CA10: variants seen among roughly 807,000 people sequenced by gnomAD.
CA10 encodes carbonic anhydrase 10 (inactive), also known as carbonic anhydrase-related protein 10.
In CA10, 14 loss-of-function variants were observed where a neutral mutation model predicts 44.2. That is an observed-to-expected ratio of 0.32 (90% CI 0.21 to 0.50). The LOEUF is 0.50. CA10 is among the 20% of genes least tolerant of loss of function. CA10 has a pLI of 0.99. For synonymous variants in CA10, 159 were observed against 141.6 expected, an observed-to-expected ratio of 1.12 and a Z score of -0.87; for missense variants, 350 against 409.7, an observed-to-expected ratio of 0.85 and a Z score of 1.26.
chr17:51,809,092 T>TAA (rs1039757291), intron 3 of CA10, among the ~76,000 whole-genome samples: 11 of 119,972 alleles, frequency 9.2e-5, no homozygotes, highest in African/African-American at 3.3e-4. Flanking sequence ...GAGACCTAAA[T>TAA]AAAAAAAAAA....
intron 3 of CA10, chr17:51,761,384 A>G (rs1041212398): frequency 6.6e-6 from 1 of 152,190 alleles, no homozygotes; most frequent in Admixed American, 6.5e-5. Flanking sequence ...GCTTAGTGCT[A>G]TTTACTAGGA....
At chr17:51,874,399 A>C (rs1331676685) in intron 3 of CA10, among the ~76,000 whole-genome samples, 21 of 151,672 alleles carry the variant, frequency 1.4e-4, no homozygotes, top group Non-Finnish European at 2.4e-4. Context: ...AAAAAAAAAA[A>C]AAAAAAACAA....
In CA10 at chr17:51,709,114, C is replaced by A. The variant is rs1428274743; in HGVS notation, c.465+38519G>T. On this transcript the variant is annotated intron_variant, in intron 4 of 8. Transcript: ENST00000451037. The stretch of plus-strand genomic sequence containing the variant: ...CTAATACAGATTCTGAGGGCAGAAA[C>A]TCATTCATTCATCTATTCATTCATA... 2.0e-5 allele frequency among the ~76,000 whole-genome samples: 3 copies of A among 152,222 alleles called. 1 individual carries two copies. Among genetic ancestry groups the A allele is most frequent in the African/African-American group, 7.2e-5 (3 of 41,452 alleles).
intron 3 of CA10, among the ~76,000 whole-genome samples, chr17:51,893,825 G>A (rs1428335531): frequency 3.9e-5 from 6 of 152,162 alleles, no homozygotes; most frequent in African/African-American, 1.4e-4. Context: ...GTATTTGTGA[G>A]GTCAATAGAT....
At position 51,799,882 on chromosome 17, in the gene CA10, G is replaced by A. The variant is rs147401180; in HGVS notation, c.280-52064C>T. Among the ~76,000 whole-genome samples the A allele has an allele frequency of 4.1e-3, 630 of 152,272 alleles. 4 individuals are homozygous for A. Among genetic ancestry groups the A allele is most frequent in the African/African-American group, 0.014 (591 of 41,562 alleles). On this transcript the variant is annotated intron_variant, in intron 3 of 8. Transcript: ENST00000451037. ...TGATGACAAGTGTTGATGAGGATGCGGAGAAACTGGAAGCCTCATAGACTG... is the reference window on the plus strand; with the variant it reads ...TGATGACAAGTGTTGATGAGGATGCAGAGAAACTGGAAGCCTCATAGACTG...
intron 3 of CA10, among the ~76,000 whole-genome samples, chr17:51,759,130 C>T (rs369311924): frequency 2.0e-5 from 3 of 152,152 alleles, no homozygotes; most frequent in South Asian, 2.1e-4. Flanking sequence ...TGTCAAGCCC[C>T]TCATTGTTGG....
chr17:51,974,589 A>C (rs950482062), intron 2 of CA10, among the ~76,000 whole-genome samples: 18 of 152,230 alleles, frequency 1.2e-4, no homozygotes, highest in African/African-American at 4.1e-4. Context: ...AGTCTAATGT[A>C]TAATTGAAAT....
intron 3 of CA10, among the ~76,000 whole-genome samples, chr17:51,923,538 A>T (rs866067247): frequency 9.9e-5 from 15 of 152,130 alleles, no homozygotes; most frequent in Admixed American, 4.6e-4. Flanking sequence ...TTTCTCCCCA[A>T]ATATATCGTA....
chr17:52,152,559 A>G (rs888289849), intron 1 of CA10, among the ~76,000 whole-genome samples: 1 of 152,126 alleles, frequency 6.6e-6, no homozygotes, highest in African/African-American at 2.4e-5. Flanking sequence ...ATTTATGCCA[A>G]TTATTAAACA....
intron 3 of CA10, among the ~76,000 whole-genome samples, chr17:51,850,715 A>G (rs975570729): frequency 6.6e-6 from 1 of 152,218 alleles, no homozygotes; most frequent in African/African-American, 2.4e-5. Flanking sequence ...ACACCACTGT[A>G]TCCTCAGCTC....
chr17:51,705,514 G>T (rs938770073), intron 4 of CA10, among the ~76,000 whole-genome samples: 2 of 152,036 alleles, frequency 1.3e-5, no homozygotes, highest in Non-Finnish European at 2.9e-5. Context: ...GCAAGCATTC[G>T]TCTGAACAAA....
intron 3 of CA10, among the ~76,000 whole-genome samples, chr17:51,796,384 C>T (rs1906709867): frequency 6.6e-6 from 1 of 152,120 alleles, no homozygotes; most frequent in Non-Finnish European, 1.5e-5. Context: ...CCAGTGTGCT[C>T]CCCTCACCCC....
intron 2 of CA10, among the ~76,000 whole-genome samples, chr17:52,003,190 G>A (rs532765708): frequency 1.3e-5 from 2 of 151,836 alleles, no homozygotes; most frequent in Non-Finnish European, 2.9e-5. Context: ...TGCTCCCCTT[G>A]CCACAGATAA....
At chr17:52,036,825 T>C (rs1165884419) in intron 2 of CA10, among the ~76,000 whole-genome samples, 1 of 152,172 alleles carries the variant, frequency 6.6e-6, no homozygotes, top group African/African-American at 2.4e-5. Flanking sequence ...ATATGGGCAA[T>C]TGTTATTTGT....
chr17:51,816,787 A>G (rs950373330), intron 3 of CA10, among the ~76,000 whole-genome samples: 4 of 152,200 alleles, frequency 2.6e-5, no homozygotes, highest in African/African-American at 9.7e-5. Context: ...TTATTCAATT[A>G]CAAACATTAT....
At chr17:51,967,516 G>T (rs931176302) in intron 2 of CA10, among the ~76,000 whole-genome samples, 2 of 151,698 alleles carry the variant, frequency 1.3e-5, no homozygotes, top group Non-Finnish European at 3.0e-5. Context: ...CTATAAAAAT[G>T]ACTGATATCA....
intron 3 of CA10, among the ~76,000 whole-genome samples, chr17:51,759,887 A>G (rs1905173159): frequency 6.6e-6 from 1 of 152,198 alleles, no homozygotes; most frequent in African/African-American, 2.4e-5. Context: ...AGCTCTTTCT[A>G]AATATATGTA....
intron 1 of CA10, among the ~76,000 whole-genome samples, chr17:52,123,491 G>A (rs1457206682): frequency 6.6e-6 from 1 of 151,962 alleles, no homozygotes; most frequent in East Asian, 1.9e-4. Context: ...AGGAACCATT[G>A]TTTTGTTGAA....
intron 1 of CA10, among the ~76,000 whole-genome samples, chr17:52,085,735 C>A (rs1009373032): frequency 3.9e-5 from 6 of 152,008 alleles, no homozygotes; most frequent in African/African-American, 1.4e-4. Context: ...GAATAGGTGC[C>A]CTGTAAATGT....
Sources: allele counts gnomAD v4.1 joint callset (sites outside exome capture counted in the v4.1 genomes callset), GRCh38; gene constraint gnomAD v4.1.1; transcripts MANE v1.5; gene names NCBI Gene and HGNC (gene_info 2026-07-23, HGNC 2026-07-21).